The following TRHDE variants were observed in gnomAD, a reference collection of about 807,000 sequenced individuals.
TRHDE encodes thyrotropin releasing hormone degrading enzyme.
In TRHDE, 72 loss-of-function variants were observed where a neutral mutation model predicts 125.7. That is an observed-to-expected ratio of 0.57 (90% CI 0.47 to 0.70). TRHDE has a LOEUF of 0.70. Ranked by LOEUF, TRHDE falls within the 30% of genes least tolerant of loss-of-function variation. The probability of loss-of-function intolerance (pLI) is 0.00; values close to 1 mark genes in which losing one functional copy is unlikely to be tolerated. For missense variants in TRHDE, 1,110 were observed against 1,327.1 expected, an observed-to-expected ratio of 0.84 and a Z score of 2.54; for synonymous variants, 509 against 509.1, an observed-to-expected ratio of 1.00 and a Z score of 0.00.
At chr12:72,617,399 T>C (rs630694) in intron 12 of TRHDE, among the ~76,000 whole-genome samples, 1 of 152,252 alleles carries the variant, frequency 6.6e-6, no homozygotes, top group Admixed American at 6.6e-5. Flanking sequence ...ATCTGTAGGG[T>C]AATGTTTGCA....
At chr12:72,413,141 C>T (rs1366997062) in intron 3 of TRHDE, among the ~76,000 whole-genome samples, 1 of 151,992 alleles carries the variant, frequency 6.6e-6, no homozygotes, top group Non-Finnish European at 1.5e-5. Flanking sequence ...TTTAAAAGAT[C>T]CAGTTAGGCA....
At chr12:72,571,999 A>G (rs1184791151) in intron 10 of TRHDE, among the ~76,000 whole-genome samples, 1 of 151,298 alleles carries the variant, frequency 6.6e-6, no homozygotes, top group Non-Finnish European at 1.5e-5. Context: ...ACACACACAC[A>G]CACACACACA....
chr12:72,404,899 G>A (rs1397043664), intron 3 of TRHDE, among the ~76,000 whole-genome samples: 2 of 152,120 alleles, frequency 1.3e-5, no homozygotes, highest in African/African-American at 4.8e-5. Context: ...ATAAAATGAG[G>A]ATAATAATAC....
At chr12:72,318,591 A>G (rs1205922761) in intron 2 of TRHDE, among the ~76,000 whole-genome samples, 1 of 152,128 alleles carries the variant, frequency 6.6e-6, no homozygotes, top group Non-Finnish European at 1.5e-5. Context: ...TGTGAGTGTG[A>G]GGCTAACTCC....
intron 2 of TRHDE, among the ~76,000 whole-genome samples, chr12:72,194,778 A>G (rs1483036734): frequency 6.6e-6 from 1 of 152,098 alleles, no homozygotes; most frequent in Non-Finnish European, 1.5e-5. Flanking sequence ...ACAGTCCACC[A>G]TTGATGGGTG....
chr12:72,549,491 T>C (rs1869572260), intron 7 of TRHDE, among the ~76,000 whole-genome samples: 1 of 151,866 alleles, frequency 6.6e-6, no homozygotes, highest in Non-Finnish European at 1.5e-5. Context: ...TAGAAGCTTT[T>C]GCTCAAATGT....
At chr12:72,416,593 A>T (rs1873742175) in intron 3 of TRHDE, among the ~76,000 whole-genome samples, 1 of 152,104 alleles carries the variant, frequency 6.6e-6, no homozygotes, top group Admixed American at 6.6e-5. Flanking sequence ...ATTCTTCTGC[A>T]TATGGATGTC....
chr12:72,311,476 G>T (rs1868539381), intron 2 of TRHDE, among the ~76,000 whole-genome samples: 1 of 152,134 alleles, frequency 6.6e-6, no homozygotes, highest in Non-Finnish European at 1.5e-5. Flanking sequence ...CAGTCTTCAT[G>T]GATGGAATCA....
At chr12:72,185,793 C>T (rs952336757) in intron 2 of TRHDE, among the ~76,000 whole-genome samples, 1 of 151,894 alleles carries the variant, frequency 6.6e-6, no homozygotes, top group African/African-American at 2.4e-5. Context: ...CCACTCGGCA[C>T]TCTGTATCTA....
chr12:72,466,308 A>G (rs1048943217), intron 3 of TRHDE, among the ~76,000 whole-genome samples: 4 of 152,122 alleles, frequency 2.6e-5, no homozygotes, highest in African/African-American at 9.7e-5. Context: ...CCAAATCCCA[A>G]TGTGTGGCTT....
At chr12:72,364,013 C>A (rs1416008590) in intron 2 of TRHDE, among the ~76,000 whole-genome samples, 1 of 152,012 alleles carries the variant, frequency 6.6e-6, no homozygotes, top group Non-Finnish European at 1.5e-5. Flanking sequence ...AGTGAACTCC[C>A]ATTCACAATT....
At chr12:72,202,859 T>G (rs1188986804) in intron 2 of TRHDE, among the ~76,000 whole-genome samples, 1 of 152,200 alleles carries the variant, frequency 6.6e-6, no homozygotes, top group Non-Finnish European at 1.5e-5. Context: ...TTATCTATAT[T>G]ATTACATTTC....
intron 6 of TRHDE, among the ~76,000 whole-genome samples, chr12:72,514,353 A>C (rs1878735889): frequency 1.3e-5 from 2 of 152,164 alleles, no homozygotes; most frequent in South Asian, 4.1e-4. Context: ...ATATTAATAA[A>C]TTTGAGGAAA....
intron 7 of TRHDE, among the ~76,000 whole-genome samples, chr12:72,554,566 T>C (rs1430209751): frequency 6.6e-6 from 1 of 152,186 alleles, no homozygotes; most frequent in Non-Finnish European, 1.5e-5. Flanking sequence ...GAGGGAACTC[T>C]GTGTACATGC....
chr12:72,569,778 T>C (rs986836800), intron 10 of TRHDE, among the ~76,000 whole-genome samples: 2 of 152,242 alleles, frequency 1.3e-5, no homozygotes, highest in Non-Finnish European at 2.9e-5. Flanking sequence ...TAGCAATGCA[T>C]TGAAATACTT....
chr12:72,215,330 A>T (rs1487530788), intron 2 of TRHDE, among the ~76,000 whole-genome samples: 3 of 152,064 alleles, frequency 2.0e-5, no homozygotes, highest in Admixed American at 6.6e-5. Context: ...GTGGAATGTC[A>T]TCAGTTAAGG....
At chr12:72,118,905 C>G (rs1219082071) in intron 2 of TRHDE, among the ~76,000 whole-genome samples, 1 of 151,836 alleles carries the variant, frequency 6.6e-6, no homozygotes, top group Non-Finnish European at 1.5e-5. Context: ...CATTTTTTGT[C>G]TCTGATTTTA....
intron 2 of TRHDE, among the ~76,000 whole-genome samples, chr12:72,169,728 A>G (rs1189130188): frequency 6.6e-6 from 1 of 151,948 alleles, no homozygotes; most frequent in Non-Finnish European, 1.5e-5. Flanking sequence ...ATAATAAAAG[A>G]AAGATACAAA....
In TRHDE at chr12:72,341,145, T is replaced by A. The variant is rs544943759; in HGVS notation, c.1189-36850T>A. The stretch of plus-strand genomic sequence containing the variant: ...GGCTTTCCTTCAGTTTTTTTTTTTT[T>A]AATTATACTCTAAGTTCTAGGGTAC... On this transcript the variant is annotated intron_variant, in intron 2 of 18. Transcript: ENST00000261180. Among the ~76,000 whole-genome samples, 115 of 151,922 alleles carry A rather than the reference T, an allele frequency of 7.6e-4. 1 individual carries two copies. The highest frequency in any genetic ancestry group is 6.8e-3 in the Middle Eastern group (2 of 292).
Sources: allele counts gnomAD v4.1 joint callset (sites outside exome capture counted in the v4.1 genomes callset), GRCh38; gene constraint gnomAD v4.1.1; transcripts MANE v1.5; gene names NCBI Gene and HGNC (gene_info 2026-07-23, HGNC 2026-07-21).